The following CCBE1 variants were observed in gnomAD, a reference collection of about 807,000 sequenced individuals.
CCBE1 encodes collagen and calcium binding EGF domains 1, also known as collagen and calcium-binding EGF domain-containing protein 1.
In CCBE1, 37 loss-of-function variants were observed where a neutral mutation model predicts 50.0. The observed-to-expected ratio is 0.74, with a 90% confidence interval of 0.57 to 0.97. The LOEUF (loss-of-function observed/expected upper bound fraction) is 0.97. CCBE1 is among the 50% of genes least tolerant of loss of function. The probability of loss-of-function intolerance (pLI) is 0.00; values close to 1 mark genes in which losing one functional copy is unlikely to be tolerated. For missense variants in CCBE1, 538 were observed against 523.8 expected (o/e 1.03, Z -0.26); for synonymous variants, 234 against 203.7 (o/e 1.15, Z -1.27).
At chr18:59,526,677 T>C (rs1914835675) in intron 2 of CCBE1, among the ~76,000 whole-genome samples, 1 of 152,328 alleles carries the variant, frequency 6.6e-6, no homozygotes, top group South Asian at 2.1e-4. Flanking sequence ...AACATTACTT[T>C]AGCTGCATTC....
At chr18:59,568,421 G>C (rs2052861166) in intron 2 of CCBE1, 1 of 152,226 alleles carries the variant, frequency 6.6e-6, no homozygotes, top group African/African-American at 2.4e-5. Flanking sequence ...AGCTAGCACA[G>C]AGTATTGGTG....
At chr18:59,634,085 A>G (rs1467848301) in intron 2 of CCBE1, among the ~76,000 whole-genome samples, 1 of 152,226 alleles carries the variant, frequency 6.6e-6, no homozygotes, top group Non-Finnish European at 1.5e-5. Context: ...CCTGAATCCA[A>G]CTGGAGAGAA....
intron 2 of CCBE1, among the ~76,000 whole-genome samples, chr18:59,593,274 G>A (rs1284229353): frequency 6.6e-6 from 1 of 152,216 alleles, no homozygotes. Flanking sequence ...ATGTCCATCT[G>A]CAGGCATCCT....
intron 2 of CCBE1, among the ~76,000 whole-genome samples, chr18:59,661,583 A>G (rs897286880): frequency 6.6e-5 from 10 of 152,220 alleles, no homozygotes; most frequent in African/African-American, 2.2e-4. Flanking sequence ...ACACAGCGTG[A>G]GGTTCCCATA....
intron 2 of CCBE1, among the ~76,000 whole-genome samples, chr18:59,512,648 T>A (rs1598966675): frequency 6.6e-6 from 1 of 152,178 alleles, no homozygotes; most frequent in South Asian, 2.1e-4. Context: ...AAAGACCCCA[T>A]AGTGGGGAGT....
intron 3 of CCBE1, among the ~76,000 whole-genome samples, chr18:59,474,185 C>T (rs967419145): frequency 5.3e-5 from 8 of 152,132 alleles, no homozygotes; most frequent in East Asian, 1.9e-4. Context: ...GTGAATAGCA[C>T]GGTGATGAAC....
intron 2 of CCBE1, among the ~76,000 whole-genome samples, chr18:59,525,837 A>C (rs35906213): frequency 0.024 from 3,462 of 142,410 alleles, 91 homozygotes; most frequent in East Asian, 0.22. Context: ...AACACCATTA[A>C]TTAAATAGGG....
chr18:59,597,572 G>A (rs2053371331), intron 2 of CCBE1, among the ~76,000 whole-genome samples: 1 of 152,228 alleles, frequency 6.6e-6, no homozygotes, highest in Non-Finnish European at 1.5e-5. Flanking sequence ...AGTAGTAGTA[G>A]TAGTAGAAGA....
chr18:59,499,200 A>G (rs1373725174), intron 2 of CCBE1, among the ~76,000 whole-genome samples: 1 of 152,198 alleles, frequency 6.6e-6, no homozygotes, highest in Admixed American at 6.5e-5. Context: ...TAGTGCATTG[A>G]CTGTAAAAAG....
chr18:59,558,469 A>G (rs1004974622), intron 2 of CCBE1, among the ~76,000 whole-genome samples: 3 of 152,246 alleles, frequency 2.0e-5, no homozygotes, highest in Non-Finnish European at 4.4e-5. Context: ...GTCCAGCCAG[A>G]GTGACTCAGT....
intron 2 of CCBE1, among the ~76,000 whole-genome samples, chr18:59,694,182 T>A (rs61457610): frequency 0.052 from 7,987 of 152,136 alleles, 688 homozygotes; most frequent in African/African-American, 0.18. Flanking sequence ...GTAACTTTTT[T>A]AAAGTCATTT....
chr18:59,519,177 C>T (rs1031582351), intron 2 of CCBE1, among the ~76,000 whole-genome samples: 1 of 152,226 alleles, frequency 6.6e-6, no homozygotes, highest in African/African-American at 2.4e-5. Context: ...CAGTGGCAGA[C>T]AAAATGGGAC....
intron 2 of CCBE1, among the ~76,000 whole-genome samples, chr18:59,649,034 G>A (rs774947565): frequency 6.6e-6 from 1 of 152,202 alleles, no homozygotes; most frequent in Admixed American, 6.5e-5. Context: ...AGGGAAAGGG[G>A]GAGAGTGTCT....
chr18:59,485,828 T>C (rs1003138736), intron 2 of CCBE1, among the ~76,000 whole-genome samples: 2 of 151,820 alleles, frequency 1.3e-5, no homozygotes, highest in East Asian at 3.9e-4. Context: ...CTCGAACTCC[T>C]GACCTCAGGT....
intron 2 of CCBE1, among the ~76,000 whole-genome samples, chr18:59,565,692 G>T (rs2052813173): frequency 6.6e-6 from 1 of 151,998 alleles, no homozygotes; most frequent in African/African-American, 2.4e-5. Flanking sequence ...TTTTAAGTAA[G>T]CATCAGGCCC....
chr18:59,472,789 A>T (rs1912096623), intron 3 of CCBE1, among the ~76,000 whole-genome samples: 2 of 152,314 alleles, frequency 1.3e-5, no homozygotes, highest in Admixed American at 1.3e-4. Context: ...AGACTAGGTA[A>T]TTTATAAAGG....
intron 2 of CCBE1, among the ~76,000 whole-genome samples, chr18:59,497,872 G>A (rs588831): frequency 0.37 from 56,937 of 152,056 alleles, 12,043 homozygotes; most frequent in African/African-American, 0.57. Flanking sequence ...CAATCCAGCC[G>A]CCTCTGTCTG....
At chr18:59,441,587 G>A (rs1024249177) in intron 7 of CCBE1, among the ~76,000 whole-genome samples, 3 of 152,102 alleles carry the variant, frequency 2.0e-5, no homozygotes, top group Non-Finnish European at 2.9e-5. Flanking sequence ...AATGAGATAT[G>A]GGCTTTAAAA....
intron 2 of CCBE1, among the ~76,000 whole-genome samples, chr18:59,491,206 A>C (rs1416019930): frequency 6.6e-6 from 1 of 152,230 alleles, no homozygotes; most frequent in Non-Finnish European, 1.5e-5. Flanking sequence ...GACCAATATA[A>C]CAAAAATTGT....
Sources: allele counts gnomAD v4.1 joint callset (sites outside exome capture counted in the v4.1 genomes callset), GRCh38; gene constraint gnomAD v4.1.1; transcripts MANE v1.5; gene names NCBI Gene and HGNC (gene_info 2026-07-23, HGNC 2026-07-21).